HYAL4: variants seen among roughly 807,000 people sequenced by gnomAD.
The protein encoded by HYAL4 is hyaluronidase-4.
In HYAL4, 37 loss-of-function variants were observed where a neutral mutation model predicts 35.2. The ratio of observed to expected loss-of-function variants is 1.05; its 90% confidence interval spans 0.81 to 1.38. The LOEUF (loss-of-function observed/expected upper bound fraction) is 1.38, where lower values mean the gene tolerates loss of function less well. Ranked by LOEUF, HYAL4 falls within the 40% of genes most tolerant of loss-of-function variation. The probability of loss-of-function intolerance (pLI) is 0.00; values close to 1 mark genes in which losing one functional copy is unlikely to be tolerated. For missense variants in HYAL4, 572 were observed against 572.4 expected (o/e 1.00, Z 0.01); for synonymous variants, 198 against 203.2 (o/e 0.97, Z 0.22).
chr7:123,793,640 C>T, the HYAL4 span, among the ~76,000 whole-genome samples: 1 of 152,286 alleles, frequency 6.6e-6, no homozygotes, highest in Non-Finnish European at 1.5e-5. Flanking sequence ...TGTTGCTACC[C>T]TGTAAAGAAG....
At chr7:123,770,757 G>A in the HYAL4 span, among the ~76,000 whole-genome samples, 1 of 151,696 alleles carries the variant, frequency 6.6e-6, no homozygotes, top group Non-Finnish European at 1.5e-5. Context: ...CATGATCCGA[G>A]TTGTGCTTTA....
chr7:123,872,105 C>T (rs1806898999), intron 3 of HYAL4, among the ~76,000 whole-genome samples: 2 of 152,086 alleles, frequency 1.3e-5, no homozygotes, highest in African/African-American at 2.4e-5. Context: ...ACCCATCACC[C>T]GAAAAATGTA....
chr7:123,812,425 T>C, the HYAL4 span, among the ~76,000 whole-genome samples: 16 of 152,196 alleles, frequency 1.1e-4, no homozygotes, highest in Non-Finnish European at 1.5e-5. Context: ...ATATTTTTGT[T>C]ACTGTAGTAG....
chr7:123,820,005 C>T, the HYAL4 span, among the ~76,000 whole-genome samples: 1 of 151,284 alleles, frequency 6.6e-6, no homozygotes, highest in Admixed American at 6.6e-5. Flanking sequence ...ATTCTCGTGA[C>T]TCAGCCTCCT....
chr7:123,776,166 A>G, the HYAL4 span, among the ~76,000 whole-genome samples: 2 of 152,212 alleles, frequency 1.3e-5, no homozygotes, highest in Non-Finnish European at 2.9e-5. Context: ...GACTGTGCCT[A>G]TTGCTGGGAC....
the HYAL4 span, among the ~76,000 whole-genome samples, chr7:123,792,410 A>G: frequency 3.3e-5 from 5 of 152,164 alleles, no homozygotes; most frequent in African/African-American, 4.8e-5. Flanking sequence ...GCACTTAGGT[A>G]AATTACCTTG....
chr7:123,783,632 C>T, the HYAL4 span, among the ~76,000 whole-genome samples: 1 of 151,950 alleles, frequency 6.6e-6, no homozygotes, highest in African/African-American at 2.4e-5. Flanking sequence ...TTGCACAATT[C>T]CAGTAGAGAC....
At chr7:123,800,940 C>T in the HYAL4 span, among the ~76,000 whole-genome samples, 2 of 152,026 alleles carry the variant, frequency 1.3e-5, no homozygotes, top group Admixed American at 6.6e-5. Context: ...GGATTACAGG[C>T]GTGAACCACT....
the HYAL4 span, among the ~76,000 whole-genome samples, chr7:123,823,708 A>G: frequency 1.5e-5 from 2 of 136,016 alleles, no homozygotes; most frequent in Non-Finnish European, 3.1e-5. Context: ...ATATATATTT[A>G]TATATATACA....
At chr7:123,838,603 A>G (rs114639294) in intron 1 of HYAL4, among the ~76,000 whole-genome samples, 3,199 of 152,220 alleles carry the variant, frequency 0.021, 104 homozygotes, top group African/African-American at 0.073. Flanking sequence ...TAACCTGATG[A>G]CAATGTGCCT....
chr7:123,799,212 CCTCT>C, the HYAL4 span, among the ~76,000 whole-genome samples: 1 of 149,242 alleles, frequency 6.7e-6, no homozygotes, highest in African/African-American at 2.5e-5. Context: ...AATGTATTTT[CCTCT>C]CTTTCTTCTC....
chr7:123,866,611 T>C (rs991970103), intron 2 of HYAL4, among the ~76,000 whole-genome samples: 3 of 152,154 alleles, frequency 2.0e-5, no homozygotes, highest in Non-Finnish European at 4.4e-5. Context: ...TGCATTTTCA[T>C]CTTAATGACA....
chr7:123,772,862 C>T, the HYAL4 span, among the ~76,000 whole-genome samples: 1 of 152,234 alleles, frequency 6.6e-6, no homozygotes, highest in East Asian at 1.9e-4. Flanking sequence ...GGCCATCCAC[C>T]AAGTGAGGGA....
the HYAL4 span, among the ~76,000 whole-genome samples, chr7:123,809,119 A>G: frequency 6.6e-6 from 1 of 152,166 alleles, no homozygotes; most frequent in South Asian, 2.1e-4. Context: ...TTAACACATG[A>G]AGTCCAAATT....
intron 2 of HYAL4, among the ~76,000 whole-genome samples, chr7:123,866,791 T>C (rs74385321): frequency 1.6e-4 from 22 of 139,714 alleles, no homozygotes; most frequent in East Asian, 7.9e-4. Flanking sequence ...TTCTCTCTCT[T>C]TTTTTTTTTT....
chr7:123,825,538 C>T (rs1023612686), upstream of HYAL4, among the ~76,000 whole-genome samples: 2 of 151,946 alleles, frequency 1.3e-5, no homozygotes, highest in African/African-American at 2.4e-5. Flanking sequence ...GGCCTTTGTC[C>T]TTGGCTTCTG....
intron 2 of HYAL4, among the ~76,000 whole-genome samples, chr7:123,858,886 T>C (rs1806519608): frequency 6.6e-6 from 1 of 152,198 alleles, no homozygotes; most frequent in Admixed American, 6.5e-5. Flanking sequence ...CTGACTTCTG[T>C]TATATTGCAC....
chr7:123,805,829 T>G, the HYAL4 span, among the ~76,000 whole-genome samples: 1 of 151,994 alleles, frequency 6.6e-6, no homozygotes, highest in Non-Finnish European at 1.5e-5. Context: ...TAGAAATGAC[T>G]GGTCTATTTT....
chr7:123,858,700 A>G (rs1381434580), intron 2 of HYAL4, among the ~76,000 whole-genome samples: 1 of 152,230 alleles, frequency 6.6e-6, no homozygotes, highest in Non-Finnish European at 1.5e-5. Flanking sequence ...GATATACAAC[A>G]TGCCATTACT....
Sources: allele counts gnomAD v4.1 joint callset (sites outside exome capture counted in the v4.1 genomes callset), GRCh38; gene constraint gnomAD v4.1.1; transcripts MANE v1.5; gene names NCBI Gene and HGNC (gene_info 2026-07-23, HGNC 2026-07-21).